Variants in PBX1 observed in about 807,000 individuals in gnomAD.
PBX1 encodes the protein pre-B-cell leukemia transcription factor 1.
A neutral mutation model predicts 53.4 loss-of-function variants in PBX1; 6 were observed. The observed-to-expected ratio is 0.11, with a 90% CI of 0.06 to 0.22. The LOEUF (loss-of-function observed/expected upper bound fraction) is 0.22. Among genes scored for constraint, PBX1 ranks in the 10% least tolerant of loss-of-function variants. The pLI, the probability that PBX1 is intolerant of heterozygous loss-of-function variation, is 1.00. For synonymous variants in PBX1, 204 were observed against 212.3 expected (o/e 0.96, Z 0.34); for missense variants, 251 against 551.4 (o/e 0.46, Z 5.46).
chr1:164,715,402 C>T (rs1440709468), intron 2 of PBX1, among the ~76,000 whole-genome samples: 3 of 152,224 alleles, frequency 2.0e-5, no homozygotes, highest in South Asian at 2.1e-4. Flanking sequence ...TGAAGACCTG[C>T]GAAGGCCTAG....
chr1:164,880,076 C>T (rs568305546), intron 2 of PBX1, among the ~76,000 whole-genome samples: 2 of 152,278 alleles, frequency 1.3e-5, no homozygotes, highest in East Asian at 1.9e-4. Context: ...AGGGTTAAGA[C>T]ATTTACCTGA....
At chr1:164,883,427 C>A (rs537331480) in intron 2 of PBX1, among the ~76,000 whole-genome samples, 2 of 152,044 alleles carry the variant, frequency 1.3e-5, no homozygotes, top group African/African-American at 2.4e-5. Flanking sequence ...CTTCCTTACA[C>A]AAAATAATAT....
At position 164,849,054 on chromosome 1, in the gene PBX1, A is replaced by G; in HGVS notation, c.*2378A>G. 1 of 1,275,122 alleles carries G rather than the reference A, an allele frequency of 7.8e-7. No individual in the cohort carries two copies. The highest frequency in any genetic ancestry group is 3.2e-5 in the East Asian group (1 of 30,862). 79.0% of individuals were successfully genotyped at this position (1,275,122 alleles called of 1,614,324 possible). A position where few individuals can be genotyped will look rare whatever the true frequency, so the allele number is the denominator to read the frequency against. On this transcript the variant is annotated 3_prime_UTR_variant, in exon 9 of 9. Coordinates refer to ENST00000420696, the MANE Select transcript of PBX1 (RefSeq NM_002585.4). Reference sequence around the variant, plus strand: ...GTGATTAGAATCAGTGGAGAACTCCATCTTAGTGGCAGGAATATAATGAAA... The same window carrying G: ...GTGATTAGAATCAGTGGAGAACTCCGTCTTAGTGGCAGGAATATAATGAAA...
In PBX1 at chr1:164,848,085, T is replaced by G. The variant is rs1393848447; in HGVS notation, c.*1409T>G. ...AAGAGTTGTATAAGAACGTGGCTCATGTGAACTTTTGCTAGCTTCATTTGA... is the reference window on the plus strand; with the variant it reads ...AAGAGTTGTATAAGAACGTGGCTCAGGTGAACTTTTGCTAGCTTCATTTGA... On this transcript the variant is annotated 3_prime_UTR_variant, in exon 9 of 9. Transcript: ENST00000420696. 35 of 1,052,160 alleles carry G rather than the reference T, an allele frequency of 3.3e-5. No individual in the cohort carries two copies. The highest frequency in any genetic ancestry group is 4.0e-5 in the Non-Finnish European group (35 of 871,146). The allele number at this position is 1,052,160 out of a possible 1,614,324, so 65.2% of individuals were successfully genotyped here.
At chr1:164,661,520 G>A (rs572990604) in intron 2 of PBX1, among the ~76,000 whole-genome samples, 87 of 148,796 alleles carry the variant, frequency 5.8e-4, no homozygotes, top group African/African-American at 2.0e-3. Flanking sequence ...TCCACCTCCC[G>A]GGTTCAAACA....
chr1:164,618,858 A>G (rs950266786), intron 2 of PBX1, among the ~76,000 whole-genome samples: 9 of 152,236 alleles, frequency 5.9e-5, no homozygotes, highest in Non-Finnish European at 1.3e-4. Context: ...TTAGCCCTCT[A>G]TATGGACTTG....
chr1:164,731,777 G>A (rs1444844566), intron 2 of PBX1, among the ~76,000 whole-genome samples: 2 of 152,076 alleles, frequency 1.3e-5, no homozygotes, highest in East Asian at 1.9e-4. Flanking sequence ...TAAACTCAAC[G>A]CCAGTCAAAG....
At chr1:164,841,949 C>T (rs912121616) in intron 8 of PBX1, among the ~76,000 whole-genome samples, 1 of 152,140 alleles carries the variant, frequency 6.6e-6, no homozygotes, top group Non-Finnish European at 1.5e-5. Flanking sequence ...TGACATCAGC[C>T]GGTTTGTGGC....
At chr1:164,855,238 G>A (rs182793410), downstream of PBX1, among the ~76,000 whole-genome samples, 3 of 152,176 alleles carry the variant, frequency 2.0e-5, no homozygotes, top group Admixed American at 6.5e-5. Flanking sequence ...GAGCCACCAC[G>A]CCTAGGTTCC....
At chr1:164,815,488 C>T (rs1007262660) in intron 6 of PBX1, 11 of 152,218 alleles carry the variant, frequency 7.2e-5, no homozygotes, top group African/African-American at 2.4e-4. Flanking sequence ...TGTAATACCC[C>T]TGTATTAGTC....
At position 164,594,208 on chromosome 1, in the gene PBX1, C is replaced by T. The variant is rs188262198; in HGVS notation, c.265+30897C>T. On this transcript the variant is annotated intron_variant, in intron 2 of 8. Transcript: ENST00000420696. Reference sequence around the variant, plus strand: ...CTTCTAACTTGCTGTAGGAAGATCACGCAGAAGCACAAGATGAAACACAGA... The same window carrying T: ...CTTCTAACTTGCTGTAGGAAGATCATGCAGAAGCACAAGATGAAACACAGA... 1.0e-3 allele frequency among the ~76,000 whole-genome samples: 153 copies of T among 152,196 alleles called. 2 individuals are homozygous for T. The highest frequency in any genetic ancestry group is 3.4e-3 in the African/African-American group (141 of 41,556).
At chr1:164,636,400 GA>G (rs911719811) in intron 2 of PBX1, among the ~76,000 whole-genome samples, 2 of 152,136 alleles carry the variant, frequency 1.3e-5, no homozygotes, top group African/African-American at 2.4e-5. Flanking sequence ...TTGCATGTGG[GA>G]AGTGTATATT....
At chr1:164,681,671 A>G (rs765539301) in intron 2 of PBX1, among the ~76,000 whole-genome samples, 1 of 152,156 alleles carries the variant, frequency 6.6e-6, no homozygotes, top group Non-Finnish European at 1.5e-5. Context: ...ACTGGGGCCT[A>G]CTTTAGAGTG....
At chr1:164,565,677 A>G (rs1653384146) in intron 2 of PBX1, among the ~76,000 whole-genome samples, 1 of 152,022 alleles carries the variant, frequency 6.6e-6, no homozygotes, top group Non-Finnish European at 1.5e-5. Flanking sequence ...TGGAACCTTC[A>G]ATCTTTTTGC....
intron 2 of PBX1, among the ~76,000 whole-genome samples, chr1:164,880,900 C>A (rs964387872): frequency 3.9e-5 from 6 of 152,240 alleles, no homozygotes; most frequent in African/African-American, 1.4e-4. Context: ...AAAAGCCACT[C>A]ATTCCAGCAG....
At chr1:164,810,214 A>G (rs1669539638) in intron 5 of PBX1, among the ~76,000 whole-genome samples, 1 of 152,126 alleles carries the variant, frequency 6.6e-6, no homozygotes, top group African/African-American at 2.4e-5. Flanking sequence ...AAAACCTACT[A>G]TTCTTTCTGT....
At chr1:164,684,638 A>G (rs894955598) in intron 2 of PBX1, 1 of 152,210 alleles carries the variant, frequency 6.6e-6, no homozygotes, top group Non-Finnish European at 1.5e-5. Context: ...AGATACATGA[A>G]GAAGTTACTT....
chr1:164,569,606 C>G (rs1653696473), intron 2 of PBX1, among the ~76,000 whole-genome samples: 2 of 114,134 alleles, frequency 1.8e-5, no homozygotes, highest in African/African-American at 7.0e-5. Flanking sequence ...GAGTCTCACT[C>G]TATCTCCCAG....
intron 2 of PBX1, among the ~76,000 whole-genome samples, chr1:164,621,743 A>G (rs543069208): frequency 6.6e-6 from 1 of 152,266 alleles, no homozygotes; most frequent in African/African-American, 2.4e-5. Flanking sequence ...ACATACCTGA[A>G]CAGAAAGGTT....
Sources: gnomAD v4.1 joint callset for allele counts (sites outside exome capture counted in the v4.1 genomes callset) on GRCh38, gnomAD v4.1.1 for gene constraint, MANE v1.5 for transcripts, NCBI Gene and HGNC (gene_info 2026-07-23, HGNC 2026-07-21) for gene names.